GPR89B: variants seen among roughly 807,000 people sequenced by gnomAD.
GPR89B encodes G protein-coupled receptor 89B.
GPR89B carries 25 observed loss-of-function variants against 52.4 expected under a neutral mutation model. The ratio of observed to expected loss-of-function variants is 0.48; its 90% confidence interval spans 0.35 to 0.67. The LOEUF is 0.67. GPR89B is among the 30% of genes least tolerant of loss of function. The pLI, the probability that GPR89B is intolerant of heterozygous loss-of-function variation, is 0.01. For synonymous variants in GPR89B, 52 were observed against 151.2 expected, an observed-to-expected ratio of 0.34 and a Z score of 4.81; for missense variants, 146 against 450.2, an observed-to-expected ratio of 0.32 and a Z score of 6.11.
intron 7 of GPR89B, among the ~76,000 whole-genome samples, chr1:147,964,014 C>G (rs1338523477): frequency 1.3e-5 from 2 of 151,836 alleles, no homozygotes; most frequent in East Asian, 3.9e-4. Flanking sequence ...TCGTGGTTGC[C>G]GGAATTAAGG....
At chr1:147,949,152 G>C (rs1655280978) in intron 5 of GPR89B, among the ~76,000 whole-genome samples, 1 of 152,086 alleles carries the variant, frequency 6.6e-6, no homozygotes, top group Non-Finnish European at 1.5e-5. Flanking sequence ...AGTCTCCCGG[G>C]TCTACCTCTT....
At chr1:147,975,073 C>G (rs1228306430) in intron 10 of GPR89B, among the ~76,000 whole-genome samples, 1 of 150,350 alleles carries the variant, frequency 6.7e-6, no homozygotes, top group African/African-American at 2.5e-5. Context: ...TTTGGTTTGC[C>G]AGTATTTTAT....
chr1:147,943,312 T>A, intron 3 of GPR89B, 126 bp from the exon 4 acceptor site: 1 of 1,439,880 alleles, frequency 6.9e-7, no homozygotes, highest in Non-Finnish European at 9.4e-7. Flanking sequence ...AAGAGCCTAG[T>A]AGGCTGATTA....
the GPR89B span, among the ~76,000 whole-genome samples, chr1:148,013,372 A>C: frequency 1.3e-5 from 2 of 152,004 alleles, no homozygotes; most frequent in Admixed American, 1.3e-4. Context: ...CTTTCTTCTG[A>C]TGTTGGTAGA....
At chr1:147,930,503 T>C (rs1421867401) in intron 1 of GPR89B, among the ~76,000 whole-genome samples, 1 of 152,150 alleles carries the variant, frequency 6.6e-6, no homozygotes, top group African/African-American at 2.4e-5. Flanking sequence ...TTCACCAGCA[T>C]CTAGATCAGT....
At chr1:148,004,358 T>G in the GPR89B span, among the ~76,000 whole-genome samples, 1 of 149,434 alleles carries the variant, frequency 6.7e-6, no homozygotes, top group Non-Finnish European at 1.5e-5. Context: ...GTAGAGACGG[T>G]GTTTCACCGT....
chr1:147,968,628 GCTTGA>G (rs1197483214), intron 8 of GPR89B: 1 of 599,068 alleles, frequency 1.7e-6, no homozygotes, highest in Non-Finnish European at 3.0e-6. Context: ...TGTTTGAGCT[GCTTGA>G]CTTAAGAGAA....
intron 1 of GPR89B, among the ~76,000 whole-genome samples, chr1:147,935,960 A>G (rs1331501212): frequency 6.6e-6 from 1 of 151,892 alleles, no homozygotes; most frequent in East Asian, 1.9e-4. Flanking sequence ...CCAGGCTAGT[A>G]TTATTTTTAA....
At chr1:147,934,748 TTA>T (rs1553247578) in intron 1 of GPR89B, among the ~76,000 whole-genome samples, 2 of 150,444 alleles carry the variant, frequency 1.3e-5, no homozygotes, top group African/African-American at 5.0e-5. Flanking sequence ...CACATCCATA[TTA>T]TGTTATAATT....
At chr1:147,970,569 C>CTCTATATATA (rs1553253167) in intron 10 of GPR89B, among the ~76,000 whole-genome samples, 2 of 142,562 alleles carry the variant, frequency 1.4e-5, no homozygotes, top group African/African-American at 2.7e-5. Flanking sequence ...CTCTCTCTCT[C>CTCTATATATA]TATATATATA....
chr1:147,958,741 T>C, intron 7 of GPR89B, among the ~76,000 whole-genome samples: 1 of 152,050 alleles, frequency 6.6e-6, no homozygotes, highest in Non-Finnish European at 1.5e-5. Flanking sequence ...GATCTGTACA[T>C]ACTATAGCCC....
chr1:147,977,956 G>T (rs1184529131), intron 10 of GPR89B, among the ~76,000 whole-genome samples: 12 of 152,016 alleles, frequency 7.9e-5, no homozygotes, highest in Admixed American at 7.8e-4. Context: ...AGCAAAGTTT[G>T]TTACTGCCCA....
chr1:147,963,375 TAAA>T (rs71077287), intron 7 of GPR89B, among the ~76,000 whole-genome samples: 58 of 140,560 alleles, frequency 4.1e-4, no homozygotes, highest in African/African-American at 1.5e-3. Context: ...GACTCCTTCT[TAAA>T]AAAAAAAAAA....
chr1:147,999,039 C>T, the GPR89B span, among the ~76,000 whole-genome samples: 4 of 151,862 alleles, frequency 2.6e-5, no homozygotes, highest in East Asian at 1.9e-4. Flanking sequence ...CTTTGGAGAG[C>T]GGGGAAGGAG....
chr1:147,955,740 A>T (rs1420604967), intron 7 of GPR89B, among the ~76,000 whole-genome samples: 1 of 135,586 alleles, frequency 7.4e-6, no homozygotes, highest in African/African-American at 2.7e-5. Context: ...TTGCCCATTT[A>T]AAAATCAGGT....
At chr1:147,981,306 C>T (rs1382074951) in intron 10 of GPR89B, among the ~76,000 whole-genome samples, 2 of 149,744 alleles carry the variant, frequency 1.3e-5, no homozygotes, top group East Asian at 3.9e-4. Flanking sequence ...CATTCTTTAC[C>T]CCTCCCTCCC....
intron 10 of GPR89B, among the ~76,000 whole-genome samples, chr1:147,974,952 T>C (rs1353577906): frequency 1.3e-5 from 2 of 151,752 alleles, no homozygotes; most frequent in Non-Finnish European, 2.9e-5. Flanking sequence ...TCATTGGTTC[T>C]GTTTATGTGA....
At chr1:147,983,262 G>T (rs1207866254) in intron 10 of GPR89B, among the ~76,000 whole-genome samples, 4 of 152,090 alleles carry the variant, frequency 2.6e-5, no homozygotes, top group African/African-American at 9.7e-5. Context: ...CATAGGCATG[G>T]GCAAGGACTT....
intron 1 of GPR89B, among the ~76,000 whole-genome samples, chr1:147,934,396 C>T (rs1309193289): frequency 2.6e-5 from 4 of 152,020 alleles, no homozygotes; most frequent in Non-Finnish European, 5.9e-5. Flanking sequence ...AAGCTGGTCT[C>T]GAACTCCTGG....
Sources: gnomAD v4.1 joint callset for allele counts (sites outside exome capture counted in the v4.1 genomes callset) on GRCh38, gnomAD v4.1.1 for gene constraint, MANE v1.5 for transcripts, NCBI Gene and HGNC (gene_info 2026-07-23, HGNC 2026-07-21) for gene names.